Variants in LYZL2 observed in about 807,000 individuals in gnomAD.
LYZL2 encodes the protein lysozyme like 2, also known as lysozyme-like protein 2.
A neutral mutation model predicts 17.1 loss-of-function variants in LYZL2; 13 were observed. The ratio of observed to expected loss-of-function variants is 0.76; its 90% confidence interval spans 0.49 to 1.21. LYZL2 has a LOEUF of 1.21. Ranked by LOEUF, LYZL2 falls within the 50% of genes most tolerant of loss-of-function variation. The pLI is 0.00. For missense variants in LYZL2, 166 were observed against 189.2 expected, an observed-to-expected ratio of 0.88 and a Z score of 0.72; for synonymous variants, 63 against 74.4, an observed-to-expected ratio of 0.85 and a Z score of 0.79.
downstream of LYZL2, among the ~76,000 whole-genome samples, chr10:30,608,399 T>G (rs770775122): frequency 1.2e-4 from 19 of 152,354 alleles, no homozygotes; most frequent in Non-Finnish European, 1.8e-4. Context: ...GCCTCTACTT[T>G]TAAAATTCAC....
At chr10:30,619,197 G>A (rs1292251190) in intron 3 of LYZL2, among the ~76,000 whole-genome samples, 3 of 152,200 alleles carry the variant, frequency 2.0e-5, no homozygotes, top group Non-Finnish European at 4.4e-5. Flanking sequence ...GAGAGGATGT[G>A]GAGAAATAGG....
At chr10:30,627,305 C>A (rs527782804) in intron 1 of LYZL2, among the ~76,000 whole-genome samples, 1 of 151,824 alleles carries the variant, frequency 6.6e-6, no homozygotes, top group African/African-American at 2.4e-5. Context: ...ATACTGCTGA[C>A]CCTTGAACAT....
At chr10:30,621,255 A>G (rs1162563883) in intron 3 of LYZL2, among the ~76,000 whole-genome samples, 1 of 152,152 alleles carries the variant, frequency 6.6e-6, no homozygotes, top group Non-Finnish European at 1.5e-5. Context: ...CCCATCATAC[A>G]CAAGGCAAGC....
At chr10:30,620,657 A>T (rs1277531186) in intron 3 of LYZL2, among the ~76,000 whole-genome samples, 1 of 152,228 alleles carries the variant, frequency 6.6e-6, no homozygotes, top group African/African-American at 2.4e-5. Flanking sequence ...TAAGAAAAAG[A>T]TCGGTCAAGG....
At chr10:30,625,977 A>G (rs1042748742) in intron 3 of LYZL2, 128 bp downstream of exon 3, 18 of 1,420,426 alleles carry the variant, frequency 1.3e-5, no homozygotes, top group Admixed American at 2.2e-5. Flanking sequence ...TAATTTACCA[A>G]TCTTGAACAG....
rs183167078 is a variant in LYZL2 at position 30,629,739 on chromosome 10, G to A, written c.-172C>T. On this transcript the variant is annotated 5_prime_UTR_variant, in exon 1 of 5. Transcript: ENST00000647634. ...GCCATGTCTGATTCTAACAAGGCTC[G>A]AGTAATCCTTTCCTAGCTCAAGAAC... The A allele has an allele frequency of 1.0e-5, 16 of 1,579,142 alleles. No homozygotes were observed. In the African/African-American group the frequency reaches 1.2e-4, roughly 12 times the overall value.
chr10:30,624,216 C>T (rs371798695), intron 3 of LYZL2, among the ~76,000 whole-genome samples: 8 of 152,130 alleles, frequency 5.3e-5, no homozygotes, highest in East Asian at 1.9e-4. Flanking sequence ...ACACAGTTGG[C>T]GTCAATGGAT....
chr10:30,629,158 T>C (rs1022623659), intron 1 of LYZL2, among the ~76,000 whole-genome samples: 1 of 151,904 alleles, frequency 6.6e-6, no homozygotes, highest in Admixed American at 6.6e-5. Flanking sequence ...TTTGTGAGGG[T>C]GAAAAGGGCA....
intron 1 of LYZL2, 152 bp from the exon 2 acceptor site, chr10:30,627,092 G>A: frequency 3.2e-6 from 4 of 1,251,686 alleles, no homozygotes; most frequent in Non-Finnish European, 4.4e-6. Context: ...CTACGGTCCA[G>A]GGAAGGAATG....
intron 3 of LYZL2, among the ~76,000 whole-genome samples, chr10:30,622,818 C>G (rs891330999): frequency 6.6e-6 from 1 of 152,186 alleles, no homozygotes; most frequent in African/African-American, 2.4e-5. Flanking sequence ...CAAACATTTG[C>G]TGACCTATGT....
chr10:30,628,052 C>T (rs565095451), intron 1 of LYZL2, among the ~76,000 whole-genome samples: 5 of 152,022 alleles, frequency 3.3e-5, no homozygotes, highest in Admixed American at 2.0e-4. Context: ...CCCAGCTGCT[C>T]GGGAGGCTGA....
At chr10:30,626,043 T>A (rs2132950383) in intron 3 of LYZL2, 62 bp downstream of exon 3, 1 of 1,567,622 alleles carries the variant, frequency 6.4e-7, no homozygotes, top group South Asian at 1.2e-5. Context: ...TGGTTGGTGA[T>A]CCCATTGTCG....
At chr10:30,626,970 G>A (rs377362190) in intron 1 of LYZL2, 30 bp from the exon 2 acceptor site, 46 of 1,611,308 alleles carry the variant, frequency 2.9e-5, no homozygotes, top group East Asian at 4.5e-5. Flanking sequence ...CAGGTCAGAC[G>A]ATCTTGATTC....
At chr10:30,628,155 G>C (rs1264723336) in intron 1 of LYZL2, among the ~76,000 whole-genome samples, 1 of 150,430 alleles carries the variant, frequency 6.6e-6, no homozygotes, top group African/African-American at 2.5e-5. Flanking sequence ...GCGAGACTCC[G>C]CCTCAAAAAA....
intron 3 of LYZL2, among the ~76,000 whole-genome samples, chr10:30,614,998 T>G (rs1165812627): frequency 2.0e-5 from 3 of 152,254 alleles, no homozygotes; most frequent in Non-Finnish European, 4.4e-5. Context: ...TGAATTATGT[T>G]TTCCCAGGAT....
chr10:30,616,553 G>A (rs958774246), intron 3 of LYZL2, among the ~76,000 whole-genome samples: 1 of 152,162 alleles, frequency 6.6e-6, no homozygotes, highest in African/African-American at 2.4e-5. Context: ...AAAGTCTTTT[G>A]CCTATCTTCT....
chr10:30,613,225 G>A (rs78057531), intron 3 of LYZL2, among the ~76,000 whole-genome samples: 17,333 of 152,220 alleles, frequency 0.11, 1,069 homozygotes, highest in South Asian at 0.18. Flanking sequence ...CAGGCCGGGC[G>A]TGGTGGCTGA....
downstream of LYZL2, among the ~76,000 whole-genome samples, chr10:30,611,530 AGAAGGAAGGAAGGAAGGAAG>A (rs762109748): frequency 2.2e-3 from 177 of 80,414 alleles, 1 homozygote; most frequent in Non-Finnish European, 2.6e-3. Flanking sequence ...GGAAAAAGAA[AGAAGGAAGGAAGGAAGGAAG>A]GAAGGAAGGA....
chr10:30,622,730 CTA>C (rs1838644854), intron 3 of LYZL2, among the ~76,000 whole-genome samples: 1 of 152,158 alleles, frequency 6.6e-6, no homozygotes, highest in East Asian at 1.9e-4. Flanking sequence ...TGCTTTCACA[CTA>C]TGTCATGGTT....
Sources: gnomAD v4.1 joint callset for allele counts (sites outside exome capture counted in the v4.1 genomes callset) on GRCh38, gnomAD v4.1.1 for gene constraint, MANE v1.5 for transcripts, NCBI Gene and HGNC (gene_info 2026-07-23, HGNC 2026-07-21) for gene names.